Variants in NDOR1 observed in about 807,000 individuals in gnomAD.
NDOR1 encodes the protein NADPH dependent diflavin oxidoreductase 1.
Under a neutral mutation model 67.2 loss-of-function variants are expected in NDOR1, and 61 were observed. That is an observed-to-expected ratio of 0.91 (90% CI 0.74 to 1.12). The LOEUF is 1.12. Among genes scored for constraint, NDOR1 ranks in the 50% most tolerant of loss-of-function variants. The probability of loss-of-function intolerance (pLI) is 0.00; values close to 1 mark genes in which losing one functional copy is unlikely to be tolerated. For synonymous variants in NDOR1, 378 were observed against 343.7 expected (o/e 1.10, Z -1.10); for missense variants, 878 against 802.8 (o/e 1.09, Z -1.13).
intron 5 of NDOR1, 55 bp downstream of exon 5, chr9:137,214,123 G>A (rs1231663680): frequency 6.5e-7 from 1 of 1,530,068 alleles, no homozygotes; most frequent in Admixed American, 2.0e-5. Context: ...CTGGCCTGGG[G>A]ACCTCGCCCT....
intron 4 of NDOR1, 31 bp from the exon 5 acceptor site, chr9:137,213,936 C>G: frequency 6.3e-7 from 1 of 1,580,328 alleles, no homozygotes; most frequent in Non-Finnish European, 8.6e-7. Context: ...ACGCAGGGTC[C>G]GCTCAGGCCA....
intron 10 of NDOR1, 46 bp downstream of exon 10, chr9:137,215,567 C>T: frequency 6.2e-7 from 1 of 1,609,474 alleles, no homozygotes; most frequent in Non-Finnish European, 8.5e-7. Flanking sequence ...ATATCCCCTT[C>T]TCTCCCATGC....
chr9:137,208,000 GGCACGGCGCAGTGGTGCGT>G (rs990175058), intron 2 of NDOR1, among the ~76,000 whole-genome samples: 13 of 151,754 alleles, frequency 8.6e-5, no homozygotes, highest in African/African-American at 3.2e-4. Context: ...CAATTAGCTG[GGCACGGCGCAGTGGTGCGT>G]GCCTGTAATC....
chr9:137,218,028 A>T lies in NDOR1; in HGVS notation c.*1612A>T, dbSNP rs1445676002. The T allele has an allele frequency of 2.5e-6, 1 of 399,192 alleles. No homozygotes were observed. Among genetic ancestry groups the T allele is most frequent in the Non-Finnish European group, 4.4e-6 (1 of 226,582 alleles). 24.7% of individuals were successfully genotyped at this position (399,192 alleles called of 1,614,324 possible). The stretch of plus-strand genomic sequence containing the variant: ...GGTGCCTGGGCCCTTCCAACCTGGA[A>T]GGAGGAGGGGAGAGAGCAGGCAGCA... On this transcript the variant is annotated 3_prime_UTR_variant, in exon 14 of 14. Coordinates refer to ENST00000684003, the MANE Select transcript of NDOR1 (RefSeq NM_014434.4).
At position 137,218,642 on chromosome 9, in the gene NDOR1, G is replaced by A. The variant is rs921354102; in HGVS notation, c.*2226G>A. On this transcript the variant is annotated 3_prime_UTR_variant, in exon 14 of 14. Coordinates refer to ENST00000684003, the MANE Select transcript of NDOR1 (RefSeq NM_014434.4). ...AGCCCCGCCGCCAACAGGCCAGGGG[G>A]CCCAGACTGGCCCACGTCCCCATGC... 5.0e-6 allele frequency: 2 copies of A among 398,434 alleles called. No individual in the cohort carries two copies. The highest frequency in any genetic ancestry group is 3.6e-5 in the East Asian group (1 of 28,084). The allele number at this position is 398,434 out of a possible 1,614,324, so 24.7% of individuals were successfully genotyped here. A position where few individuals can be genotyped will look rare whatever the true frequency, so the allele number is the denominator to read the frequency against.
rs1219989105 is a variant in NDOR1 at position 137,215,081 on chromosome 9, C to T, written c.1066-14C>T. The T allele has an allele frequency of 6.2e-7, 1 of 1,613,530 alleles. No individual in the cohort carries two copies. The highest frequency in any genetic ancestry group is 8.5e-7 in the Non-Finnish European group (1 of 1,179,896). The stretch of plus-strand genomic sequence containing the variant: ...CAGCCACGCTGCAGCCACCCTGAGA[C>T]TCTCTTTGCCTAGGTGCTCTGTGAC... On this transcript the variant is annotated splice_polypyrimidine_tract_variant and intron_variant, in intron 8 of 13. Coordinates refer to ENST00000684003, the MANE Select transcript of NDOR1 (RefSeq NM_014434.4).
chr9:137,217,814 C>G lies in NDOR1; in HGVS notation c.*1398C>G, dbSNP rs528557921. The G allele has an allele frequency of 4.5e-5, 18 of 397,458 alleles. No homozygotes were observed. The highest frequency in any genetic ancestry group is 3.5e-4 in the African/African-American group (17 of 48,684). The allele number at this position is 397,458 out of a possible 1,614,324, so 24.6% of individuals were successfully genotyped here. ...CAGGGCCACCACCCCTGAACTGTGC[C>G]CTGGGGCCCCCACCCTCCACCTGGC... On this transcript the variant is annotated 3_prime_UTR_variant, in exon 14 of 14. Coordinates refer to ENST00000684003, the MANE Select transcript of NDOR1 (RefSeq NM_014434.4).
chr9:137,208,033 G>A (rs1158992426), intron 2 of NDOR1, among the ~76,000 whole-genome samples: 1 of 151,760 alleles, frequency 6.6e-6, no homozygotes, highest in Non-Finnish European at 1.5e-5. Flanking sequence ...TGTAATCCCA[G>A]CTACTCGGGA....
In NDOR1 at chr9:137,217,872, G is replaced by T; in HGVS notation, c.*1456G>T. On this transcript the variant is annotated 3_prime_UTR_variant, in exon 14 of 14. Transcript: ENST00000684003. ...AGCTCTGGGCCTGTCAGTCCACCTG[G>T]GTCCTCTCTGGGCCCTGAGTGCCTG... is the stretch of plus-strand genomic sequence containing the variant. 2.5e-6 allele frequency: 1 copy of T among 398,228 alleles called. No homozygotes were observed. Among genetic ancestry groups the T allele is most frequent in the Admixed American group, 4.4e-5 (1 of 22,732 alleles). The allele number at this position is 398,228 out of a possible 1,614,324, so 24.7% of individuals were successfully genotyped here.
At chr9:137,216,225 C>G in intron 13 of NDOR1, 37 bp downstream of exon 13, 1 of 1,613,018 alleles carries the variant, frequency 6.2e-7, no homozygotes, top group East Asian at 2.2e-5. Flanking sequence ...TGGGCCCAGC[C>G]CCTGAGTGCC....
chr9:137,215,313 C>G, intron 9 of NDOR1, 94 bp from the exon 10 acceptor site: 1 of 1,531,560 alleles, frequency 6.5e-7, no homozygotes, highest in Admixed American at 1.7e-5. Context: ...TTCCCCCAGT[C>G]GGACTGCCTC....
intron 9 of NDOR1, 44 bp downstream of exon 9, chr9:137,215,246 G>C (rs1185777740): frequency 6.3e-7 from 1 of 1,585,636 alleles, no homozygotes; most frequent in East Asian, 2.3e-5. Context: ...CCCTGGGAAA[G>C]CTGGGACCGG....
chr9:137,216,341 C>T lies in NDOR1; in HGVS notation c.1719C>T (p.Leu573=). The change falls in exon 14 of 14, where the codon CTC becomes CTT. Residue 573 remains leucine (L), a synonymous_variant. Coordinates refer to ENST00000684003, the MANE Select transcript of NDOR1 (RefSeq NM_014434.4). ...CCATCTTCCAGGAGGAGGGTGGACT[C>T]TGCAGCCCGGACGCAGCCGCGTATC... The part of the protein sequence containing the change: ...LMSIFQEEGG[L]CSPDAAAYLA... The T allele has an allele frequency of 6.2e-7, 1 of 1,610,700 alleles. No individual in the cohort carries two copies. Among genetic ancestry groups the T allele is most frequent in the Non-Finnish European group, 8.5e-7 (1 of 1,179,980 alleles).
Position 137,215,413 on chromosome 9 carries a change from C to T in NDOR1, c.1180C>T (p.Pro394Ser), listed in dbSNP as rs1043196942. The change falls in exon 10 of 14, where the codon CCC (proline) becomes TCC (serine). Residue 394 changes from proline to serine, a missense_variant. Pro to Ser is a moderately conservative substitution (Grantham distance 74). Transcript: ENST00000684003. ...ACCCCGCCGTCCTCCCCAGACTCAC[C>T]CCTCACGGCTGCAGATCCTCGTGGC... is the stretch of plus-strand genomic sequence containing the variant. ...FSIASSLLTH[P>S]SRLQILVAVV... is the part of the protein sequence containing the mutation. 7 of 1,613,456 alleles carry T rather than the reference C, an allele frequency of 4.3e-6. No homozygotes were observed. The highest frequency in any genetic ancestry group is 4.2e-6 in the Non-Finnish European group (5 of 1,179,860).
At position 137,214,012 on chromosome 9, in the gene NDOR1, G is replaced by T; in HGVS notation, c.456G>T (p.Arg152Ser). 1 of 1,551,950 alleles carries T rather than the reference G, an allele frequency of 6.4e-7. No homozygotes were observed. Among genetic ancestry groups the T allele is most frequent in the Non-Finnish European group, 8.7e-7 (1 of 1,150,020 alleles). ...VDPWLRDLWDRVLGLYPPPPG... is the reference protein window; with the variant it reads ...VDPWLRDLWDSVLGLYPPPPG... ...CCTGGCTGCGAGACTTGTGGGACAG[G>T]GTTCTGGGGCTGTACCCGCCGCCTC... The change falls in exon 5 of 14, where the codon AGG (arginine) becomes AGT (serine). Residue 152 changes from arginine to serine, a missense_variant. By Grantham distance (110) the Arg-to-Ser change is moderately radical. Transcript: ENST00000684003.
At position 137,214,836 on chromosome 9, in the gene NDOR1, A is replaced by C. The variant is rs1172660688; in HGVS notation, c.883A>C (p.Met295Leu). 3 of 1,608,390 alleles carry C rather than the reference A, an allele frequency of 1.9e-6. No individual in the cohort carries two copies. The highest frequency in any genetic ancestry group is 1.7e-6 in the Non-Finnish European group (2 of 1,179,968). The change falls in exon 8 of 14, where the codon ATG becomes CTG. Residue 295 changes from methionine (M) to leucine (L), a missense_variant. Transcript: ENST00000684003. ...SPTRLPQPCSMRHLVSHYLDI... is the reference protein window; with the variant it reads ...SPTRLPQPCSLRHLVSHYLDI... ...CACGAGGCTGCCCCAGCCCTGCTCC[A>C]TGCGGCACCTCGTGTCCCACTACCT... is the stretch of plus-strand genomic sequence containing the variant.
intron 2 of NDOR1, among the ~76,000 whole-genome samples, chr9:137,210,815 C>T (rs969032621): frequency 6.6e-6 from 1 of 151,992 alleles, no homozygotes; most frequent in Non-Finnish European, 1.5e-5. Flanking sequence ...AGACTGCATT[C>T]CAGCTTGGAT....
At chr9:137,209,536 C>T (rs949171367) in intron 2 of NDOR1, among the ~76,000 whole-genome samples, 8 of 152,142 alleles carry the variant, frequency 5.3e-5, no homozygotes, top group South Asian at 2.1e-4. Context: ...GAGGGGGCAG[C>T]TAATGCCCAC....
rs1328857339 is a variant in NDOR1 at position 137,217,698 on chromosome 9, A to T, written c.*1282A>T. ...GAGAGCCAGCCGGGAGGTCAGTGCC[A>T]GAGCTCTGGTGGAGCCCAGACCCTG... On this transcript the variant is annotated 3_prime_UTR_variant, in exon 14 of 14. Transcript: ENST00000684003. 1 of 319,360 alleles carries T rather than the reference A, an allele frequency of 3.1e-6. No homozygotes were observed. The allele number at this position is 319,360 out of a possible 1,614,324, so 19.8% of individuals were successfully genotyped here. A position where few individuals can be genotyped will look rare whatever the true frequency, so the allele number is the denominator to read the frequency against.
Sources: gnomAD v4.1 joint callset for allele counts (sites outside exome capture counted in the v4.1 genomes callset) on GRCh38, gnomAD v4.1.1 for gene constraint, MANE v1.5 for transcripts, NCBI Gene and HGNC (gene_info 2026-07-23, HGNC 2026-07-21) for gene names.